The following ANKS1B variants were observed in gnomAD, a reference collection of about 807,000 sequenced individuals.
The protein encoded by ANKS1B is ankyrin repeat and sterile alpha motif domain containing 1B.
ANKS1B carries 36 observed loss-of-function variants against 148.3 expected under a neutral mutation model. That is an observed-to-expected ratio of 0.24 (90% CI 0.19 to 0.32). The LOEUF is 0.32. ANKS1B is among the 10% of genes least tolerant of loss of function. The pLI is 1.00. For missense variants in ANKS1B, 1,157 were observed against 1,542.6 expected, an observed-to-expected ratio of 0.75 and a Z score of 4.19; for synonymous variants, 542 against 560.8, an observed-to-expected ratio of 0.97 and a Z score of 0.47.
intron 10 of ANKS1B, among the ~76,000 whole-genome samples, chr12:99,460,626 G>A (rs577343227): frequency 6.6e-6 from 1 of 151,778 alleles, no homozygotes; most frequent in South Asian, 2.1e-4. Flanking sequence ...TATACAAATG[G>A]CCAACAAACA....
At chr12:99,498,147 G>A (rs2152988284) in intron 10 of ANKS1B, among the ~76,000 whole-genome samples, 1 of 152,226 alleles carries the variant, frequency 6.6e-6, no homozygotes, top group Admixed American at 6.5e-5. Context: ...TTCTTGCTGA[G>A]TGTATGCACT....
intron 1 of ANKS1B, among the ~76,000 whole-genome samples, chr12:99,892,134 A>T (rs1603441912): frequency 6.6e-6 from 1 of 151,916 alleles, no homozygotes; most frequent in Non-Finnish European, 1.5e-5. Context: ...CTCCCAAGTA[A>T]CTGGGACTAC....
intron 14 of ANKS1B, among the ~76,000 whole-genome samples, chr12:99,193,904 C>T (rs748398665): frequency 4.2e-5 from 6 of 142,654 alleles, no homozygotes; most frequent in African/African-American, 7.7e-5. Context: ...CAGGTTCAAG[C>T]GATTCTCCTG....
chr12:99,559,410 C>T (rs1431713458), intron 9 of ANKS1B, among the ~76,000 whole-genome samples: 2 of 152,166 alleles, frequency 1.3e-5, no homozygotes, highest in Non-Finnish European at 2.9e-5. Context: ...CCCCACATCT[C>T]TCAATCAGTG....
At chr12:98,945,434 G>A (rs769582806) in intron 17 of ANKS1B, among the ~76,000 whole-genome samples, 2 of 146,354 alleles carry the variant, frequency 1.4e-5, no homozygotes, top group Non-Finnish European at 3.0e-5. Context: ...GGTGGAGTTT[G>A]CAGTGAGCTG....
chr12:99,673,107 T>C (rs2098546170), intron 8 of ANKS1B, among the ~76,000 whole-genome samples: 1 of 152,058 alleles, frequency 6.6e-6, no homozygotes, highest in Non-Finnish European at 1.5e-5. Context: ...TCTAAGACCA[T>C]ATAATCTTAG....
chr12:99,154,999 A>T (rs190221507), intron 14 of ANKS1B: 1 of 1,535,418 alleles, frequency 6.5e-7, no homozygotes, highest in East Asian at 2.4e-5. Context: ...GAATGATGAG[A>T]GCAGTCAAAA....
intron 25 of ANKS1B, among the ~76,000 whole-genome samples, chr12:98,761,912 A>G (rs1345952921): frequency 6.6e-6 from 1 of 152,216 alleles, no homozygotes; most frequent in Non-Finnish European, 1.5e-5. Context: ...CCTGCCTTGC[A>G]GTGCTTTGCA....
At position 99,466,337 on chromosome 12, in the gene ANKS1B, G is replaced by A. The variant is rs894012543; in HGVS notation, c.1439-22528C>T. ...ACTAAATGCTCACGAGAGAAAGCAG[G>A]AAAGATCCAAAATTGACACCCTAAC... On this transcript the variant is annotated intron_variant, in intron 10 of 26. Coordinates refer to ENST00000683438, the MANE Select transcript of ANKS1B (RefSeq NM_001352186.2). Among the ~76,000 whole-genome samples, 6 of 152,066 alleles carry A rather than the reference G, an allele frequency of 3.9e-5. No individual in the cohort carries two copies. The East Asian group carries it at 9.6e-4, about 24-fold the overall frequency.
chr12:99,699,304 C>T (rs540537310), intron 8 of ANKS1B, among the ~76,000 whole-genome samples: 18 of 152,190 alleles, frequency 1.2e-4, no homozygotes, highest in African/African-American at 4.1e-4. Context: ...AAAATTGTGC[C>T]ATCCATGAAT....
chr12:98,753,861 T>A (rs1240910939), intron 25 of ANKS1B, among the ~76,000 whole-genome samples: 1 of 152,206 alleles, frequency 6.6e-6, no homozygotes, highest in Non-Finnish European at 1.5e-5. Context: ...TCCACCCTCA[T>A]CAAGCGCTCT....
chr12:99,265,164 A>AT (rs1169131329), intron 12 of ANKS1B, among the ~76,000 whole-genome samples: 1 of 152,180 alleles, frequency 6.6e-6, no homozygotes, highest in East Asian at 1.9e-4. Context: ...AGGACAGTAC[A>AT]GGTCTATAGC....
At chr12:99,303,595 C>A (rs1206344423) in intron 12 of ANKS1B, among the ~76,000 whole-genome samples, 1 of 151,940 alleles carries the variant, frequency 6.6e-6, no homozygotes, top group African/African-American at 2.4e-5. Flanking sequence ...AAAAATAAGG[C>A]AAAGTAGAAG....
intron 8 of ANKS1B, among the ~76,000 whole-genome samples, chr12:99,757,269 T>C (rs954281537): frequency 5.9e-5 from 9 of 151,478 alleles, no homozygotes; most frequent in African/African-American, 9.7e-5. Context: ...AACGACCACA[T>C]AAAAAAGTGG....
chr12:98,993,951 T>C (rs1219015410), intron 17 of ANKS1B, among the ~76,000 whole-genome samples: 1 of 152,234 alleles, frequency 6.6e-6, no homozygotes, highest in Non-Finnish European at 1.5e-5. Flanking sequence ...GGCAAAGTTA[T>C]AGTTATGTTG....
chr12:98,829,349 G>C lies in ANKS1B; in HGVS notation c.2891C>G (p.Pro964Arg). ...CTGAGGAGGAGTGTGATTACCACTG[G>C]GTTCCTGAATGGAAATACATCATGA... ...KPPRSITLRE[P>R]SGNHTPPQLS... The change falls in exon 19 of 27, where the codon CCC (proline) becomes CGC (arginine). Residue 964 changes from proline (P) to arginine (R), a missense_variant. Around this residue, in one of 6 missense-constraint regions of ANKS1B, gnomAD observed 258 missense variants for 497.0 expected, o/e 0.52. Transcript: ENST00000683438. This position sits in a 1 kb window ranked among gnomAD's most constrained non-coding sequence, Gnocchi z 5.2. 6.2e-7 allele frequency: 1 copy of C among 1,613,030 alleles called. No individual in the cohort carries two copies. The highest frequency in any genetic ancestry group is 2.2e-5 in the East Asian group (1 of 44,858).
chr12:99,158,552 A>T (rs956816100), intron 14 of ANKS1B, among the ~76,000 whole-genome samples: 1 of 152,192 alleles, frequency 6.6e-6, no homozygotes, highest in African/African-American at 2.4e-5. Flanking sequence ...CAGTCAAAAA[A>T]CTTAACTTGA....
At chr12:99,023,240 T>TACTCACTACTGTCTCTTTCTTC (rs2099946852) in intron 17 of ANKS1B, among the ~76,000 whole-genome samples, 1 of 151,910 alleles carries the variant, frequency 6.6e-6, no homozygotes, top group Non-Finnish European at 1.5e-5. Context: ...CCAGTTTCTT[T>TACTCACTACTGTCTCTTTCTTC]ACTCACTACT....
intron 12 of ANKS1B, among the ~76,000 whole-genome samples, chr12:99,369,302 G>T (rs946626961): frequency 6.6e-6 from 1 of 152,020 alleles, no homozygotes; most frequent in African/African-American, 2.4e-5. Flanking sequence ...AAAAAGTACA[G>T]GTATAAAAGG....
Sources: allele counts gnomAD v4.1 joint callset (sites outside exome capture counted in the v4.1 genomes callset), GRCh38; gene constraint gnomAD v4.1.1; regional missense constraint gnomAD v4.1.1; non-coding constraint Gnocchi (gnomAD v3.1); transcripts MANE v1.5; gene names NCBI Gene and HGNC (gene_info 2026-07-23, HGNC 2026-07-21).